Variants in ENPEP observed in about 807,000 individuals in gnomAD.
ENPEP encodes the protein AP-A.
Under a neutral mutation model 114.5 loss-of-function variants are expected in ENPEP, and 103 were observed. The observed-to-expected ratio is 0.90, with a 90% confidence interval of 0.77 to 1.06. ENPEP has a LOEUF of 1.06. Among genes scored for constraint, ENPEP ranks in the 50% least tolerant of loss-of-function variants. ENPEP has a pLI of 0.00. For synonymous variants in ENPEP, 420 were observed against 422.0 expected, an observed-to-expected ratio of 1.00 and a Z score of 0.06; for missense variants, 1,196 against 1,161.3, an observed-to-expected ratio of 1.03 and a Z score of -0.43.
chr4:110,539,187 A>G (rs1726756259), intron 11 of ENPEP, among the ~76,000 whole-genome samples: 1 of 152,222 alleles, frequency 6.6e-6, no homozygotes, highest in African/African-American at 2.4e-5. Context: ...TTCAATTTGT[A>G]AAAAATGCAG....
At chr4:110,519,038 A>T (rs1169869747) in intron 8 of ENPEP, 1 of 455,160 alleles carries the variant, frequency 2.2e-6, no homozygotes, top group Non-Finnish European at 4.4e-6. Flanking sequence ...TGTAATGAAT[A>T]CCTAAAAGTG....
chr4:110,522,443 A>T (rs887166620), intron 10 of ENPEP, among the ~76,000 whole-genome samples: 1 of 151,904 alleles, frequency 6.6e-6, no homozygotes, highest in African/African-American at 2.4e-5. Context: ...GGCCTTCCAA[A>T]CTCCTGGGAT....
At chr4:110,541,314 C>T (rs1726838121) in intron 11 of ENPEP, among the ~76,000 whole-genome samples, 2 of 152,066 alleles carry the variant, frequency 1.3e-5, no homozygotes, top group African/African-American at 2.4e-5. Flanking sequence ...ATCATATTTC[C>T]TCCCAAACTG....
rs544482942 is a variant in ENPEP, at chr4:110,544,592, A to G, written c.2000+1522A>G. Among the ~76,000 whole-genome samples, 22 of 152,256 alleles carry G rather than the reference A, an allele frequency of 1.4e-4. No individual in the cohort carries two copies. In the East Asian group the frequency reaches 3.9e-3, roughly 27 times the overall value. On this transcript the variant is annotated intron_variant, in intron 13 of 19. Coordinates refer to ENST00000265162, the MANE Select transcript of ENPEP (RefSeq NM_001977.4). ...TAGAATCTGGGAAATTAAATGATGA[A>G]ATAAGATGATCAATAAGTATTTTTA... is the stretch of plus-strand genomic sequence containing the variant.
chr4:110,498,263 A>G (rs1229700309), intron 3 of ENPEP, among the ~76,000 whole-genome samples: 2 of 152,132 alleles, frequency 1.3e-5, no homozygotes, highest in East Asian at 3.9e-4. Flanking sequence ...CCTGAGTGCC[A>G]AGGATCTCAG....
intron 7 of ENPEP, 118 bp downstream of exon 7, chr4:110,513,667 A>G: frequency 7.8e-7 from 1 of 1,283,362 alleles, no homozygotes; most frequent in Non-Finnish European, 1.1e-6. Context: ...AAAACAGTGT[A>G]GAAGTTATTC....
chr4:110,540,917 C>T (rs1430107018), intron 11 of ENPEP, among the ~76,000 whole-genome samples: 3 of 152,040 alleles, frequency 2.0e-5, no homozygotes, highest in Admixed American at 6.6e-5. Context: ...AACTGGGACA[C>T]AGAGGGGTCA....
At chr4:110,510,006 C>A (rs1055993746) in intron 5 of ENPEP, among the ~76,000 whole-genome samples, 199 bp downstream of exon 5, 19 of 152,100 alleles carry the variant, frequency 1.2e-4, no homozygotes, top group Admixed American at 1.2e-3. Context: ...GAAATATGCA[C>A]GAGGCCTTCA....
In ENPEP at chr4:110,488,533, T is replaced by A; in HGVS notation, c.645-8T>A. ...TGCATTTCGTTTGTTTGTTTGTTTG[T>A]TTCTAAGGAGCATAGTGGCCACCGA... is the stretch of plus-strand genomic sequence containing the variant. On this transcript the variant is annotated splice_polypyrimidine_tract_variant and splice_region_variant and intron_variant, in intron 1 of 19. Transcript: ENST00000265162. 6.2e-7 allele frequency: 1 copy of A among 1,604,068 alleles called. No homozygotes were observed. Among genetic ancestry groups the A allele is most frequent in the Non-Finnish European group, 8.5e-7 (1 of 1,175,638 alleles).
chr4:110,509,227 T>C (rs1480485523), intron 4 of ENPEP, among the ~76,000 whole-genome samples: 1 of 152,254 alleles, frequency 6.6e-6, no homozygotes, highest in Non-Finnish European at 1.5e-5. Context: ...AATGGAGTTT[T>C]ATATTCTTGA....
In ENPEP at chr4:110,531,214, C is replaced by A; in HGVS notation, c.1744C>A (p.Pro582Thr). ...PSDLGYTWNI[P>T]VKWTEDNITS... ...AAATTTTAGTTATACATGGAATATC[C>A]CAGTTAAATGGACTGAAGATAATAT... Residue 582 changes from proline to threonine, a missense_variant, in exon 11 of 20, where the codon CCA (proline) becomes ACA (threonine). Coordinates refer to ENST00000265162, the MANE Select transcript of ENPEP (RefSeq NM_001977.4). 1.4e-6 allele frequency: 2 copies of A among 1,457,422 alleles called. No homozygotes were observed. Among genetic ancestry groups the A allele is most frequent in the East Asian group, 2.4e-5 (1 of 40,822 alleles). The allele number at this position is 1,457,422 out of a possible 1,614,324, so 90.3% of individuals were successfully genotyped here.
At chr4:110,497,231 A>T (rs1395149581) in intron 3 of ENPEP, among the ~76,000 whole-genome samples, 1 of 152,176 alleles carries the variant, frequency 6.6e-6, no homozygotes, top group Non-Finnish European at 1.5e-5. Flanking sequence ...TCATTATTTT[A>T]AAAACTTATT....
At chr4:110,487,108 G>T (rs1560551133) in intron 1 of ENPEP, among the ~76,000 whole-genome samples, 1 of 152,186 alleles carries the variant, frequency 6.6e-6, no homozygotes, top group Non-Finnish European at 1.5e-5. Context: ...AATATCTCAA[G>T]CATTAATCTT....
intron 8 of ENPEP, among the ~76,000 whole-genome samples, 200 bp from the exon 9 acceptor site, chr4:110,519,808 A>G (rs985180125): frequency 1.3e-5 from 2 of 152,218 alleles, no homozygotes; most frequent in Non-Finnish European, 2.9e-5. Context: ...AATCAAAAGA[A>G]GAAGAATATT....
Position 110,561,582 on chromosome 4 carries a change from T to A in ENPEP, c.*24T>A. On this transcript the variant is annotated 3_prime_UTR_variant, in exon 20 of 20. Coordinates refer to ENST00000265162, the MANE Select transcript of ENPEP (RefSeq NM_001977.4). ...AATGTATTCAAATGTTAGAGTTTAA[T>A]TTTGTGAATCTATTGTTTCTCCTCT... 1.3e-6 allele frequency: 2 copies of A among 1,598,990 alleles called. No homozygotes were observed. The highest frequency in any genetic ancestry group is 1.7e-6 in the Non-Finnish European group (2 of 1,174,036).
At chr4:110,485,858 T>A (rs1203223616) in intron 1 of ENPEP, among the ~76,000 whole-genome samples, 1 of 152,018 alleles carries the variant, frequency 6.6e-6, no homozygotes, top group African/African-American at 2.4e-5. Context: ...ATCACAGAAG[T>A]GATGTGTCTC....
chr4:110,509,144 A>C (rs1725480278), intron 4 of ENPEP, among the ~76,000 whole-genome samples: 1 of 152,226 alleles, frequency 6.6e-6, no homozygotes, highest in Non-Finnish European at 1.5e-5. Context: ...TTCTCCAACC[A>C]ATTTAATACA....
chr4:110,542,449 A>G (rs979531161), intron 11 of ENPEP, among the ~76,000 whole-genome samples: 2 of 152,044 alleles, frequency 1.3e-5, no homozygotes, highest in African/African-American at 4.8e-5. Flanking sequence ...TTATTGATGG[A>G]TTGACCAGCA....
At chr4:110,485,587 C>A (rs1724473151) in intron 1 of ENPEP, among the ~76,000 whole-genome samples, 1 of 152,154 alleles carries the variant, frequency 6.6e-6, no homozygotes, top group Non-Finnish European at 1.5e-5. Context: ...TATCAACTAA[C>A]CTAATGATGT....
Sources: gnomAD v4.1 joint callset for allele counts (sites outside exome capture counted in the v4.1 genomes callset) on GRCh38, gnomAD v4.1.1 for gene constraint, MANE v1.5 for transcripts, NCBI Gene and HGNC (gene_info 2026-07-23, HGNC 2026-07-21) for gene names.